Variants in DRC1 observed in about 807,000 individuals in gnomAD.
The protein encoded by DRC1 is dynein regulatory complex protein 1.
Under a neutral mutation model 98.7 loss-of-function variants are expected in DRC1, and 74 were observed. The ratio of observed to expected loss-of-function variants is 0.75; its 90% CI spans 0.62 to 0.91. DRC1 has a LOEUF of 0.91. Among genes scored for constraint, DRC1 ranks in the 40% least tolerant of loss-of-function variants. The pLI is 0.00. For synonymous variants in DRC1, 336 were observed against 334.1 expected, an observed-to-expected ratio of 1.01 and a Z score of -0.06; for missense variants, 875 against 886.0, an observed-to-expected ratio of 0.99 and a Z score of 0.16.
intron 8 of DRC1, 84 bp downstream of exon 8, chr2:26,440,601 G>A: frequency 7.0e-7 from 1 of 1,419,602 alleles, no homozygotes; most frequent in Non-Finnish European, 9.3e-7. Flanking sequence ...TATTGAAGGG[G>A]TAGAAACCAT....
chr2:26,455,987 G>A (rs1226501768), intron 16 of DRC1, among the ~76,000 whole-genome samples: 1 of 152,236 alleles, frequency 6.6e-6, no homozygotes, highest in East Asian at 1.9e-4. Context: ...CAGGGGCTGC[G>A]TGGCCCCAGC....
In DRC1 at chr2:26,432,026, C is replaced by T. The variant is rs1219925351; in HGVS notation, c.888+20C>T. 6.2e-7 allele frequency: 1 copy of T among 1,611,448 alleles called. No individual in the cohort carries two copies. Among genetic ancestry groups the T allele is most frequent in the Non-Finnish European group, 8.5e-7 (1 of 1,178,538 alleles). ...GTGCAGGTGCAACAGCTGGTCCTCACTAGGGTGCCTGGGTGGCGGAGCAGA... is the reference window on the plus strand; with the variant it reads ...GTGCAGGTGCAACAGCTGGTCCTCATTAGGGTGCCTGGGTGGCGGAGCAGA... On this transcript the variant is annotated intron_variant, in intron 7 of 16. Coordinates refer to ENST00000288710, the MANE Select transcript of DRC1 (RefSeq NM_145038.5).
In DRC1 at chr2:26,443,555, C is replaced by T. The variant is rs530393269; in HGVS notation, c.1029-667C>T. Among the ~76,000 whole-genome samples, 224 of 152,310 alleles carry T rather than the reference C, an allele frequency of 1.5e-3. 1 individual carries two copies. The highest frequency in any genetic ancestry group is 5.1e-3 in the African/African-American group (214 of 41,570). ...TAAAACTCTCCTATAGCACTTTCCA[C>T]GCTGTACTGTAATTAACGTTTGTCT... is the stretch of plus-strand genomic sequence containing the variant. On this transcript the variant is annotated intron_variant, in intron 8 of 16. Coordinates refer to ENST00000288710, the MANE Select transcript of DRC1 (RefSeq NM_145038.5).
Position 26,454,014 on chromosome 2 carries a change from G to A in DRC1, c.1919+465G>A, listed in dbSNP as rs1664076829. ...CATGGGGAAGGTCTGGTCTGTTCAA[G>A]AATCATCACAGGAGGTCTGGCTGGA... is the stretch of plus-strand genomic sequence containing the variant. On this transcript the variant is annotated intron_variant, in intron 14 of 16. Transcript: ENST00000288710. The surrounding 1 kb of genome is among the most constrained non-coding windows in gnomAD (Gnocchi z 5.2). Among the ~76,000 whole-genome samples the A allele has an allele frequency of 6.6e-6, 1 of 152,184 alleles. No homozygotes were observed. The highest frequency in any genetic ancestry group is 1.5e-5 in the Non-Finnish European group (1 of 68,018).
chr2:26,407,161 T>C (rs1678455892), intron 1 of DRC1, among the ~76,000 whole-genome samples: 1 of 152,028 alleles, frequency 6.6e-6, no homozygotes, highest in Admixed American at 6.6e-5. Context: ...ATGGAACACA[T>C]ACATCTACCT....
chr2:26,413,218 C>T (rs2384363), intron 1 of DRC1, among the ~76,000 whole-genome samples: 21,571 of 152,164 alleles, frequency 0.14, 2,547 homozygotes, highest in East Asian at 0.57. Context: ...CAAAGTATTT[C>T]TGAAATATTG....
intron 1 of DRC1, among the ~76,000 whole-genome samples, chr2:26,404,977 C>T (rs1193667124): frequency 1.3e-5 from 2 of 152,156 alleles, no homozygotes; most frequent in African/African-American, 4.8e-5. Context: ...TGCAGCCCTC[C>T]TGAGTAGATG....
At chr2:26,427,461 A>G (rs1443544720) in intron 4 of DRC1, among the ~76,000 whole-genome samples, 1 of 151,988 alleles carries the variant, frequency 6.6e-6, no homozygotes, top group African/African-American at 2.4e-5. Context: ...GTAGGTGTAT[A>G]TATTTATGGG....
intron 13 of DRC1, among the ~76,000 whole-genome samples, chr2:26,452,765 T>C (rs1572387144): frequency 6.6e-6 from 1 of 152,296 alleles, no homozygotes; most frequent in East Asian, 1.9e-4. Context: ...GGTTTATTGG[T>C]AAGTGTAAAA....
chr2:26,405,785 C>T (rs545202024), intron 1 of DRC1, among the ~76,000 whole-genome samples: 6 of 151,350 alleles, frequency 4.0e-5, no homozygotes, highest in East Asian at 1.9e-4. Flanking sequence ...CTCAGCCTCC[C>T]GAGTAACTGG....
At chr2:26,455,720 T>A (rs1664139774) in intron 16 of DRC1, among the ~76,000 whole-genome samples, 1 of 152,266 alleles carries the variant, frequency 6.6e-6, no homozygotes. Flanking sequence ...GGGATATGAC[T>A]GGAGGGTCAT....
chr2:26,414,929 C>A (rs908062857), intron 2 of DRC1, among the ~76,000 whole-genome samples: 11 of 152,176 alleles, frequency 7.2e-5, no homozygotes, highest in Non-Finnish European at 1.5e-5. Flanking sequence ...CATCTCAAGA[C>A]CCAAATCCTC....
intron 10 of DRC1, among the ~76,000 whole-genome samples, chr2:26,445,588 C>T: frequency 6.6e-6 from 1 of 152,078 alleles, no homozygotes; most frequent in East Asian, 1.9e-4. Context: ...CAAATTGTTC[C>T]ATCTTTGGCT....
Position 26,421,182 on chromosome 2 carries a change from G to T in DRC1, c.244-106G>T, listed in dbSNP as rs1191564821. The T allele has an allele frequency of 1.2e-5, 11 of 935,500 alleles. No homozygotes were observed. In the East Asian group the frequency reaches 3.1e-4, roughly 26 times the overall value. 57.9% of individuals were successfully genotyped at this position (935,500 alleles called of 1,614,324 possible). On this transcript the variant is annotated intron_variant, in intron 2 of 16. Transcript: ENST00000288710. ...AATCTTAAGGTAGTTGCTGCTTCCT[G>T]CTTGAATGGATAGAAGCTGCGGACA...
intron 3 of DRC1, among the ~76,000 whole-genome samples, chr2:26,422,241 G>A (rs190936920): frequency 1.5e-3 from 229 of 152,302 alleles, no homozygotes; most frequent in African/African-American, 4.9e-3. Flanking sequence ...GGATGTATGC[G>A]GGTAATGGAA....
At chr2:26,451,479 C>T (rs2148005675) in intron 13 of DRC1, among the ~76,000 whole-genome samples, 1 of 152,306 alleles carries the variant, frequency 6.6e-6, no homozygotes, top group Admixed American at 6.5e-5. Flanking sequence ...GTTTTTAGTA[C>T]TGCTAGCCCA....
chr2:26,413,164 T>A (rs1040826692), intron 1 of DRC1, among the ~76,000 whole-genome samples: 2 of 152,256 alleles, frequency 1.3e-5, no homozygotes, highest in Non-Finnish European at 2.9e-5. Context: ...GCTGTGGACA[T>A]CTTTCCCTGC....
intron 1 of DRC1, among the ~76,000 whole-genome samples, chr2:26,411,025 C>T (rs1346782660): frequency 6.6e-6 from 1 of 152,130 alleles, no homozygotes; most frequent in Non-Finnish European, 1.5e-5. Flanking sequence ...TTTTTTAAAT[C>T]CTGAGAATTG....
intron 1 of DRC1, among the ~76,000 whole-genome samples, chr2:26,408,796 A>T (rs1454932036): frequency 6.6e-6 from 1 of 152,092 alleles, no homozygotes; most frequent in Non-Finnish European, 1.5e-5. Context: ...TAAAATAAAA[A>T]TAATAAAGAC....
Sources: gnomAD v4.1 joint callset for allele counts (sites outside exome capture counted in the v4.1 genomes callset) on GRCh38, gnomAD v4.1.1 for gene constraint, Gnocchi (gnomAD v3.1) non-coding constraint, MANE v1.5 for transcripts, NCBI Gene and HGNC (gene_info 2026-07-23, HGNC 2026-07-21) for gene names.